The following MACF1 variants were observed in gnomAD, a reference collection of about 807,000 sequenced individuals.
MACF1 encodes microtubule actin crosslinking factor 1.
A neutral mutation model predicts 854.8 loss-of-function variants in MACF1; 193 were observed. The ratio of observed to expected loss-of-function variants is 0.23; its 90% CI spans 0.20 to 0.25. The LOEUF (loss-of-function observed/expected upper bound fraction) is 0.25, where lower values mean the gene tolerates loss of function less well. MACF1 is among the 10% of genes least tolerant of loss of function. MACF1 has a pLI of 1.00. For missense variants in MACF1, 7,722 were observed against 8,929.1 expected, an observed-to-expected ratio of 0.86 and a Z score of 5.45; for synonymous variants, 3,185 against 3,226.7, an observed-to-expected ratio of 0.99 and a Z score of 0.44.
intron 41 of MACF1, 69 bp from the exon 42 acceptor site, chr1:39,349,409 C>T: frequency 6.8e-7 from 1 of 1,477,746 alleles, no homozygotes; most frequent in Non-Finnish European, 9.2e-7. Flanking sequence ...TTTTACATTT[C>T]AGGGAGTTTC....
chr1:39,153,359 G>GT (rs1352591757), intron 2 of MACF1, among the ~76,000 whole-genome samples: 1 of 152,130 alleles, frequency 6.6e-6, no homozygotes, highest in Non-Finnish European at 1.5e-5. Flanking sequence ...AAAAGCAAGT[G>GT]TTTTTGCCTT....
Position 39,292,277 on chromosome 1 carries a change from G to A in MACF1, c.1914+239G>A, listed in dbSNP as rs142921813. Among the ~76,000 whole-genome samples, 18 of 152,294 alleles carry A rather than the reference G, an allele frequency of 1.2e-4. No homozygotes were observed. The East Asian group carries it at 3.5e-3, about 29-fold the overall frequency. ...TTTACTAAAATGAAAAGTGATACTGGAAGCTGAGGTCAGAATTAGTAAGTA... is the reference window on the plus strand; with the variant it reads ...TTTACTAAAATGAAAAGTGATACTGAAAGCTGAGGTCAGAATTAGTAAGTA... On this transcript the variant is annotated intron_variant, in intron 16 of 100. Transcript: ENST00000564288.
At chr1:39,427,938 AT>A in intron 62 of MACF1, 22 bp from the exon 63 acceptor site, 2 of 1,549,946 alleles carry the variant, frequency 1.3e-6, no homozygotes, top group Non-Finnish European at 8.8e-7. Flanking sequence ...TCTGTTATTC[AT>A]TTTTTCCATC....
intron 2 of MACF1, among the ~76,000 whole-genome samples, chr1:39,157,491 A>G (rs1317675372): frequency 6.6e-6 from 1 of 152,168 alleles, no homozygotes; most frequent in Non-Finnish European, 1.5e-5. Flanking sequence ...AAAAACTTCA[A>G]ATCTTGGTGG....
intron 2 of MACF1, among the ~76,000 whole-genome samples, chr1:39,169,939 A>G (rs1391240817): frequency 1.3e-5 from 2 of 150,614 alleles, no homozygotes; most frequent in South Asian, 2.1e-4. Flanking sequence ...ATGCCCAGCT[A>G]ATTTTTTTTT....
chr1:39,322,382 C>T lies in MACF1; in HGVS notation c.4030-226C>T, dbSNP rs185156517. On this transcript the variant is annotated intron_variant, in intron 31 of 100. Transcript: ENST00000564288. Reference sequence around the variant, plus strand: ...GTTCATAAATAAAGTTTTATTCTAACAACCACACCCTTTCATCTATATATT... The same window carrying T: ...GTTCATAAATAAAGTTTTATTCTAATAACCACACCCTTTCATCTATATATT... 9.8e-4 allele frequency among the ~76,000 whole-genome samples: 150 copies of T among 152,302 alleles called. 1 individual carries two copies. The highest frequency in any genetic ancestry group is 1.8e-3 in the Non-Finnish European group (123 of 68,032).
intron 2 of MACF1, among the ~76,000 whole-genome samples, chr1:39,128,333 C>T (rs1642912822): frequency 6.6e-6 from 1 of 152,146 alleles, no homozygotes; most frequent in Admixed American, 6.6e-5. Flanking sequence ...GCAGTGCCCC[C>T]TGAGTAGCTG....
Position 39,485,559 on chromosome 1 carries a change from G to A in MACF1, c.22433G>A (p.Arg7478His), listed in dbSNP as rs755081350. The stretch of plus-strand genomic sequence containing the variant: ...CCAGACCCTAAAAAGTCTGCCAGTC[G>A]CCCTGGGAGTCGGGCTGGGAGTCGA... ...NRADPKKSAS[R>H]PGSRAGSRAG... The change falls in exon 101 of 101, where the codon CGC (arginine) becomes CAC (histidine). Residue 7478 changes from arginine (R) to histidine (H), a missense_variant. Coordinates refer to ENST00000564288, the MANE Select transcript of MACF1 (RefSeq NM_001394062.1). 10 of 1,613,370 alleles carry A rather than the reference G, an allele frequency of 6.2e-6. No individual in the cohort carries two copies. Among genetic ancestry groups the A allele is most frequent in the South Asian group, 3.3e-5 (3 of 91,060 alleles).
At chr1:39,379,924 G>A (rs1041002855) in intron 54 of MACF1, among the ~76,000 whole-genome samples, 1 of 152,148 alleles carries the variant, frequency 6.6e-6, no homozygotes, top group Non-Finnish European at 1.5e-5. Flanking sequence ...TATTCCCATT[G>A]AGCGTAGCAT....
chr1:39,443,566 A>G lies in MACF1; in HGVS notation c.19423A>G (p.Thr6475Ala). 1 of 1,604,564 alleles carries G rather than the reference A, an allele frequency of 6.2e-7. No individual in the cohort carries two copies. Among genetic ancestry groups the G allele is most frequent in the South Asian group, 1.1e-5 (1 of 88,972 alleles). Residue 6475 changes from threonine to alanine, a missense_variant, in exon 79 of 101, where the codon ACA (threonine) becomes GCA (alanine). Thr to Ala is a moderately conservative substitution (Grantham distance 58). This residue lies in a region of MACF1 where 729 missense variants were observed against 900.5 expected (regional missense o/e 0.81). Transcript: ENST00000564288. Reference sequence around the variant, plus strand: ...TGAAACTGCTAGGGAACAGCTTGATACACATATGGTAATAGCAATTTTTTG... The same window carrying G: ...TGAAACTGCTAGGGAACAGCTTGATGCACATATGGTAATAGCAATTTTTTG... ...LPETAREQLD[T>A]HMELYSQLKA...
intron 58 of MACF1, among the ~76,000 whole-genome samples, chr1:39,399,597 G>A (rs1486136044): frequency 6.6e-6 from 1 of 151,894 alleles, no homozygotes; most frequent in Non-Finnish European, 1.5e-5. Context: ...GGCTGGTCTC[G>A]AACTCCTGAC....
intron 2 of MACF1, among the ~76,000 whole-genome samples, chr1:39,191,626 A>G (rs1644256215): frequency 6.6e-6 from 1 of 152,230 alleles, no homozygotes; most frequent in Admixed American, 6.5e-5. Flanking sequence ...GCTGTGCCAC[A>G]GGGTGTGATG....
At chr1:39,085,364 T>C (rs1163072289) in intron 2 of MACF1, among the ~76,000 whole-genome samples, 2 of 152,206 alleles carry the variant, frequency 1.3e-5, no homozygotes, top group Admixed American at 1.3e-4. Flanking sequence ...GTGTTGGTGT[T>C]ACAGTACGGA....
intron 61 of MACF1, 55 bp downstream of exon 61, chr1:39,424,249 G>A (rs556722793): frequency 1.8e-5 from 26 of 1,479,944 alleles, no homozygotes; most frequent in African/African-American, 1.7e-4. Context: ...GTTCTTCTTC[G>A]ACTTATTATC....
intron 50 of MACF1, 124 bp downstream of exon 50, chr1:39,368,438 G>A: frequency 2.1e-6 from 2 of 967,688 alleles, no homozygotes; most frequent in Non-Finnish European, 3.0e-6. Flanking sequence ...CTACTGAGTT[G>A]TAGGAGGGTG....
chr1:39,448,477 A>G, intron 83 of MACF1, 117 bp from the exon 84 acceptor site: 1 of 814,302 alleles, frequency 1.2e-6, no homozygotes, highest in Admixed American at 3.4e-5. Flanking sequence ...TAGTTCAAAA[A>G]AAGTGGTGAT....
intron 6 of MACF1, among the ~76,000 whole-genome samples, chr1:39,259,243 T>C (rs1645129691): frequency 6.6e-6 from 1 of 152,216 alleles, no homozygotes; most frequent in Non-Finnish European, 1.5e-5. Flanking sequence ...ATTTATTCAC[T>C]GTCTCTATTC....
intron 89 of MACF1, chr1:39,458,169 T>C (rs1233363573): frequency 1.9e-6 from 1 of 534,160 alleles, no homozygotes; most frequent in Non-Finnish European, 3.3e-6. Flanking sequence ...ACCTCCAGCA[T>C]TGGAAATCAC....
At chr1:39,336,831 T>C (rs1646818635) in intron 37 of MACF1, among the ~76,000 whole-genome samples, 178 bp downstream of exon 37, 1 of 152,220 alleles carries the variant, frequency 6.6e-6, no homozygotes, top group Non-Finnish European at 1.5e-5. Context: ...GCAAAGTTGT[T>C]GGAAAATTAG....
Sources: gnomAD v4.1 joint callset for allele counts (sites outside exome capture counted in the v4.1 genomes callset) on GRCh38, gnomAD v4.1.1 for gene constraint, gnomAD v4.1.1 regional missense constraint, MANE v1.5 for transcripts, NCBI Gene and HGNC (gene_info 2026-07-23, HGNC 2026-07-21) for gene names.